Variants in CLTCL1 observed in about 807,000 individuals in gnomAD.
CLTCL1 encodes the protein clathrin heavy chain 2.
Under a neutral mutation model 190.0 loss-of-function variants are expected in CLTCL1, and 159 were observed. That is an observed-to-expected ratio of 0.84 (90% CI 0.74 to 0.95). The LOEUF (loss-of-function observed/expected upper bound fraction) is 0.95, where lower values mean the gene tolerates loss of function less well. Among genes scored for constraint, CLTCL1 ranks in the 40% least tolerant of loss-of-function variants. The probability of loss-of-function intolerance (pLI) is 0.00; values close to 1 mark genes in which losing one functional copy is unlikely to be tolerated. For missense variants in CLTCL1, 1,878 were observed against 2,033.4 expected, an observed-to-expected ratio of 0.92 and a Z score of 1.47; for synonymous variants, 752 against 769.6, an observed-to-expected ratio of 0.98 and a Z score of 0.38.
Position 19,188,017 on chromosome 22 carries a change from T to G in CLTCL1, c.4398A>C (p.Ala1466=). 1.2e-6 allele frequency: 2 copies of G among 1,613,982 alleles called. No individual in the cohort carries two copies. The highest frequency in any genetic ancestry group is 1.7e-6 in the Non-Finnish European group (2 of 1,179,872). The change falls in exon 28 of 33, where the codon GCA becomes GCC. Residue 1466 remains alanine, a synonymous_variant. Transcript: ENST00000427926. ...CCTCCTCTGTCAGCAGGTGGTTGAG[T>G]GCCTCATTCACACTCTTGTTGTTGT... ...QSHNNKSVNE[A]LNHLLTEEED...
chr22:19,256,330 CTTTTTTTTTT>C (rs2086749345), intron 2 of CLTCL1, among the ~76,000 whole-genome samples: 1 of 120,076 alleles, frequency 8.3e-6, no homozygotes, highest in African/African-American at 3.0e-5. Flanking sequence ...GCTAATTTTT[CTTTTTTTTTT>C]CTTTTTCTTT....
intron 26 of CLTCL1, among the ~76,000 whole-genome samples, chr22:19,195,984 G>A (rs2084688332): frequency 1.3e-5 from 2 of 152,210 alleles, no homozygotes; most frequent in African/African-American, 4.8e-5. Context: ...TGGGAGGGGC[G>A]GGCAGGCAGG....
rs959654166 is a variant in CLTCL1, at chr22:19,222,005, A to G, written c.2507T>C (p.Val836Ala). 1.2e-6 allele frequency: 2 copies of G among 1,614,012 alleles called. No individual in the cohort carries two copies. The highest frequency in any genetic ancestry group is 1.1e-5 in the South Asian group (1 of 91,086). ...EEVIKHLIMA[V>A]RGQFSTDELV... ...CTCATCAGTAGAGAACTGTCCTCTC[A>G]CTGCCATGATTAAGTGTTTAATCAC... The change falls in exon 16 of 33, where the codon GTG (valine) becomes GCG (alanine). Residue 836 changes from valine (V) to alanine (A), a missense_variant. Coordinates refer to ENST00000427926, the MANE Select transcript of CLTCL1 (RefSeq NM_007098.4).
Position 19,271,374 on chromosome 22 carries a change from T to C in CLTCL1, c.250+4249A>G, listed in dbSNP as rs148493541. On this transcript the variant is annotated intron_variant, in intron 2 of 32. Coordinates refer to ENST00000427926, the MANE Select transcript of CLTCL1 (RefSeq NM_007098.4). ...ATAGTGAGTGAGTTCTCACGAGATC[T>C]GATGGGTATAAGTGTGTGTGTGGCT... Among the ~76,000 whole-genome samples the C allele has an allele frequency of 5.7e-3, 861 of 152,224 alleles. 11 individuals are homozygous for C. The highest frequency in any genetic ancestry group is 0.019 in the African/African-American group (775 of 41,526).
At position 19,201,388 on chromosome 22, in the gene CLTCL1, C is replaced by CACCGAGGTGA. The variant is rs782437624; in HGVS notation, c.3696_3705dup (p.Glu1236SerfsTer4). On this transcript the variant is annotated frameshift_variant, in exon 23 of 33. Transcript: ENST00000427926. LOFTEE classifies it high-confidence loss of function. ...CTGTTGTCCACTGCTGCCTGATACTCACCGAGGTGAACCAAGGTGGAAGCC... is the reference window on the plus strand; with the variant it reads ...CTGTTGTCCACTGCTGCCTGATACTCACCGAGGTGAACCGAGGTGAACCAAGGTGGAAGCC... 2.5e-6 allele frequency: 4 copies of CACCGAGGTGA among 1,613,822 alleles called. No individual in the cohort carries two copies. In the East Asian group the frequency reaches 8.9e-5, roughly 36 times the overall value.
rs782013328 is a variant in CLTCL1 at position 19,223,953 on chromosome 22, C to T, written c.2230G>A (p.Val744Met). The change falls in exon 14 of 33, where the codon GTG becomes ATG. Residue 744 changes from valine to methionine, a missense_variant. Physicochemically the swap from Val to Met is conservative, Grantham distance 21 (BLOSUM62 1). Transcript: ENST00000427926. ...CTGCTCTCTCGGCATATCCTCTCCA[C>T]CTCCTTGATCTGCCCTGTCTTACAG... is the stretch of plus-strand genomic sequence containing the variant. ...AACKTGQIKE[V>M]ERICRESSCY... 1 of 1,613,984 alleles carries T rather than the reference C, an allele frequency of 6.2e-7. No individual in the cohort carries two copies. The highest frequency in any genetic ancestry group is 8.5e-7 in the Non-Finnish European group (1 of 1,179,890).
At position 19,196,803 on chromosome 22, in the gene CLTCL1, G is replaced by C; in HGVS notation, c.3874-147C>G. The stretch of plus-strand genomic sequence containing the variant: ...TGTGAAGAAAACGTGTATACATACT[G>C]TGCTACAGATCATGCCATTTACTTA... On this transcript the variant is annotated intron_variant, in intron 24 of 32. Transcript: ENST00000427926. 4 of 848,106 alleles carry C rather than the reference G, an allele frequency of 4.7e-6. No individual in the cohort carries two copies. In the South Asian group the frequency reaches 7.3e-5, roughly 16 times the overall value. The allele number at this position is 848,106 out of a possible 1,614,324, so 52.5% of individuals were successfully genotyped here.
At chr22:19,197,617 C>G (rs2084752566) in intron 24 of CLTCL1, among the ~76,000 whole-genome samples, 1 of 152,216 alleles carries the variant, frequency 6.6e-6, no homozygotes, top group African/African-American at 2.4e-5. Flanking sequence ...AAAAACTCCT[C>G]ACAACAACCA....
chr22:19,282,888 A>G (rs7285357), intron 1 of CLTCL1, among the ~76,000 whole-genome samples: 1 of 134,160 alleles, frequency 7.5e-6, no homozygotes, highest in African/African-American at 2.8e-5. Flanking sequence ...TTTTTTTTTT[A>G]GACAGAGTCT....
intron 1 of CLTCL1, among the ~76,000 whole-genome samples, chr22:19,276,726 G>A (rs530370048): frequency 9.9e-5 from 15 of 152,258 alleles, no homozygotes; most frequent in Admixed American, 2.0e-4. Context: ...CTGGAGTGCA[G>A]TGGTGCGATC....
chr22:19,190,742 G>A (rs1415987402), intron 27 of CLTCL1, among the ~76,000 whole-genome samples: 1 of 151,634 alleles, frequency 6.6e-6, no homozygotes, highest in African/African-American at 2.4e-5. Flanking sequence ...GGTGCTAATC[G>A]ACTTTCTCAA....
chr22:19,250,941 T>C (rs1187891178), intron 3 of CLTCL1, among the ~76,000 whole-genome samples: 4 of 152,132 alleles, frequency 2.6e-5, no homozygotes, highest in Non-Finnish European at 4.4e-5. Flanking sequence ...GTTTTATGGT[T>C]GTTTTGGCTA....
rs1601439571 is a variant in CLTCL1 at position 19,187,804 on chromosome 22, A to G, written c.4435-76T>C. 1.8e-5 allele frequency: 26 copies of G among 1,484,264 alleles called. No homozygotes were observed. In the East Asian group the frequency reaches 5.7e-4, roughly 33 times the overall value. 91.9% of individuals were successfully genotyped at this position (1,484,264 alleles called of 1,614,324 possible). A position where few individuals can be genotyped will look rare whatever the true frequency, so the allele number is the denominator to read the frequency against. ...ACACATGGAGCAGGCACCTTGTGTTACTTGATGGCTGTTGCTATCAGCACA... is the reference window on the plus strand; with the variant it reads ...ACACATGGAGCAGGCACCTTGTGTTGCTTGATGGCTGTTGCTATCAGCACA... On this transcript the variant is annotated intron_variant, in intron 28 of 32. Transcript: ENST00000427926.
intron 1 of CLTCL1, among the ~76,000 whole-genome samples, chr22:19,284,870 G>A (rs1007538144): frequency 3.9e-5 from 6 of 151,946 alleles, no homozygotes; most frequent in Admixed American, 2.0e-4. Flanking sequence ...CAGGAGAATC[G>A]CTTGAACCGG....
chr22:19,212,152 T>C (rs1258439252), intron 19 of CLTCL1, among the ~76,000 whole-genome samples: 1 of 152,200 alleles, frequency 6.6e-6, no homozygotes, highest in African/African-American at 2.4e-5. Flanking sequence ...AATTGGTCCA[T>C]AGATTTCATG....
intron 12 of CLTCL1, 126 bp from the exon 13 acceptor site, chr22:19,225,759 G>T: frequency 3.4e-6 from 3 of 887,504 alleles, no homozygotes; most frequent in Non-Finnish European, 5.0e-6. Context: ...CCACATAAAG[G>T]GGTTGAAAAG....
At chr22:19,231,251 G>A (rs2085911501) in intron 10 of CLTCL1, among the ~76,000 whole-genome samples, 1 of 152,128 alleles carries the variant, frequency 6.6e-6, no homozygotes, top group African/African-American at 2.4e-5. Flanking sequence ...TCTGAGATAG[G>A]GTCTCACTCT....
At chr22:19,180,883 G>A (rs926291537) in intron 30 of CLTCL1, 77 bp from the exon 31 acceptor site, 4 of 1,302,502 alleles carry the variant, frequency 3.1e-6, no homozygotes, top group Middle Eastern at 1.8e-4. Context: ...GGAGTGGAAG[G>A]TCAGGACACA....
At position 19,278,120 on chromosome 22, in the gene CLTCL1, G is replaced by T. The variant is rs141611298; in HGVS notation, c.43-2290C>A. On this transcript the variant is annotated intron_variant, in intron 1 of 32. Coordinates refer to ENST00000427926, the MANE Select transcript of CLTCL1 (RefSeq NM_007098.4). ...CCTCTCCCAGCACACCGCTCTTCAG[G>T]GACCTCCATGTGTTCAGCTATCATG... Among the ~76,000 whole-genome samples, 59 of 152,196 alleles carry T rather than the reference G, an allele frequency of 3.9e-4. 2 individuals carry two copies. The East Asian group carries it at 0.011, about 28-fold the overall frequency.
Sources: gnomAD v4.1 joint callset for allele counts (sites outside exome capture counted in the v4.1 genomes callset) on GRCh38, gnomAD v4.1.1 for gene constraint, MANE v1.5 for transcripts, NCBI Gene and HGNC (gene_info 2026-07-23, HGNC 2026-07-21) for gene names.